The following PCBP3 variants were observed in gnomAD, a reference collection of about 807,000 sequenced individuals.
PCBP3 encodes poly(rC) binding protein 3.
In PCBP3, 25 loss-of-function variants were observed where a neutral mutation model predicts 52.7. The observed-to-expected ratio is 0.47, with a 90% CI of 0.35 to 0.66. PCBP3 has a LOEUF of 0.66. Ranked by LOEUF, PCBP3 falls within the 30% of genes least tolerant of loss-of-function variation. The pLI is 0.01. For synonymous variants in PCBP3, 162 were observed against 183.0 expected (o/e 0.89, Z 0.93); for missense variants, 391 against 490.3 (o/e 0.80, Z 1.91).
intron 2 of PCBP3, among the ~76,000 whole-genome samples, chr21:45,700,905 C>T (rs1283864801): frequency 1.3e-5 from 2 of 152,132 alleles, no homozygotes; most frequent in African/African-American, 4.8e-5. Context: ...CATTTTCTCC[C>T]TCCTAAAGTA....
At chr21:45,687,356 A>C (rs1435402610) in intron 2 of PCBP3, among the ~76,000 whole-genome samples, 1 of 152,236 alleles carries the variant, frequency 6.6e-6, no homozygotes, top group African/African-American at 2.4e-5. Flanking sequence ...GGAGGAATTA[A>C]AATGATATAG....
At chr21:45,694,569 A>C (rs954180188) in intron 2 of PCBP3, among the ~76,000 whole-genome samples, 7 of 152,224 alleles carry the variant, frequency 4.6e-5, no homozygotes, top group African/African-American at 1.7e-4. Context: ...TAAAATACAA[A>C]AAGCAAAAAC....
intron 2 of PCBP3, among the ~76,000 whole-genome samples, chr21:45,676,214 T>C (rs998764120): frequency 6.6e-6 from 1 of 152,218 alleles, no homozygotes; most frequent in African/African-American, 2.4e-5. Context: ...TAACTGAGCC[T>C]GTTACTTCAA....
chr21:45,936,225 A>G (rs1191785970), intron 16 of PCBP3, among the ~76,000 whole-genome samples: 1 of 152,230 alleles, frequency 6.6e-6, no homozygotes, highest in Non-Finnish European at 1.5e-5. Context: ...TGGACAGTGG[A>G]GCAGGAGAAA....
At chr21:45,703,016 A>C (rs1191288580) in intron 2 of PCBP3, among the ~76,000 whole-genome samples, 1 of 151,888 alleles carries the variant, frequency 6.6e-6, no homozygotes, top group African/African-American at 2.4e-5. Context: ...ATAAGAAGCA[A>C]CTCCTTATCC....
chr21:45,808,074 G>A (rs888036030), intron 4 of PCBP3, among the ~76,000 whole-genome samples: 6 of 152,058 alleles, frequency 3.9e-5, no homozygotes, highest in African/African-American at 1.4e-4. Flanking sequence ...TTACATATAA[G>A]ACCTAAAACC....
At chr21:45,644,401 T>G (rs913737104) in intron 1 of PCBP3, among the ~76,000 whole-genome samples, 3 of 151,806 alleles carry the variant, frequency 2.0e-5, no homozygotes, top group Non-Finnish European at 4.4e-5. Flanking sequence ...CGCGCAGGTC[T>G]CTCTTGTTGC....
At chr21:45,715,853 G>A (rs1603307343) in intron 2 of PCBP3, among the ~76,000 whole-genome samples, 1 of 152,040 alleles carries the variant, frequency 6.6e-6, no homozygotes, top group Non-Finnish European at 1.5e-5. Context: ...ATTGTTCTAG[G>A]AATTCTTTTT....
In PCBP3 at chr21:45,895,874, G is replaced by A. The variant is rs2093103280; in HGVS notation, c.11-334G>A. Among the ~76,000 whole-genome samples the A allele has an allele frequency of 2.0e-5, 3 of 152,270 alleles. No homozygotes were observed. The South Asian group carries it at 6.2e-4, about 31-fold the overall frequency. On this transcript the variant is annotated intron_variant, in intron 5 of 17. Transcript: ENST00000681687. ...GGCCTGTGAGCTGCAAGTCCCCTGG[G>A]CCTCACAGGGGTAGCTCCTGCCAGT...
At chr21:45,770,664 C>G (rs2089790905) in intron 4 of PCBP3, among the ~76,000 whole-genome samples, 1 of 152,220 alleles carries the variant, frequency 6.6e-6, no homozygotes, top group South Asian at 2.1e-4. Flanking sequence ...TTATTCGGAC[C>G]CTGAGCTGGA....
chr21:45,678,079 C>T (rs560681266), intron 2 of PCBP3, among the ~76,000 whole-genome samples: 2 of 152,240 alleles, frequency 1.3e-5, no homozygotes, highest in Non-Finnish European at 2.9e-5. Flanking sequence ...TGGTGGCTCA[C>T]GCCTGTAATC....
chr21:45,715,692 A>C (rs943142265), intron 2 of PCBP3, among the ~76,000 whole-genome samples: 4 of 152,332 alleles, frequency 2.6e-5, no homozygotes, highest in Admixed American at 6.5e-5. Flanking sequence ...AATGTGAAGT[A>C]GTATATCAGT....
At chr21:45,814,482 A>G (rs1436161537) in intron 4 of PCBP3, among the ~76,000 whole-genome samples, 31 of 58,926 alleles carry the variant, frequency 5.3e-4, no homozygotes, top group Admixed American at 6.3e-4. Flanking sequence ...TGAGTGAGTG[A>G]TGAGTGGTGA....
In PCBP3 at chr21:45,853,514, C is replaced by A. The variant is rs144985962; in HGVS notation, c.10+3419C>A. On this transcript the variant is annotated intron_variant, in intron 5 of 17. Coordinates refer to ENST00000681687, the MANE Select transcript of PCBP3 (RefSeq NM_001384156.1). The surrounding 1 kb of genome is among the most constrained non-coding windows in gnomAD (Gnocchi z 4.6). Reference sequence around the variant, plus strand: ...GCAGCCCGAGCAAGCAGCTCACGGGCCCCAGCGACAGAATTTTCTGGGGTT... The same window carrying A: ...GCAGCCCGAGCAAGCAGCTCACGGGACCCAGCGACAGAATTTTCTGGGGTT... Among the ~76,000 whole-genome samples, 4 of 152,296 alleles carry A rather than the reference C, an allele frequency of 2.6e-5. No individual in the cohort carries two copies. The East Asian group carries it at 7.7e-4, about 29-fold the overall frequency.
chr21:45,941,768 G>C lies in PCBP3; in HGVS notation c.*62G>C. ...CCAGAGCCTAAGGCCCCCGGCTCTC[G>C]CACTCTGTACAGCCCACCTTCCCTG... On this transcript the variant is annotated 3_prime_UTR_variant, in exon 18 of 18. Coordinates refer to ENST00000681687, the MANE Select transcript of PCBP3 (RefSeq NM_001384156.1). The C allele has an allele frequency of 1.4e-6, 2 of 1,419,486 alleles. No homozygotes were observed. The allele number at this position is 1,419,486 out of a possible 1,614,324, so 87.9% of individuals were successfully genotyped here.
rs1825549559 is a variant in PCBP3 at position 45,704,515 on chromosome 21, G to T, written c.-199-30877G>T. 6.6e-6 allele frequency among the ~76,000 whole-genome samples: 1 copy of T among 152,180 alleles called. No individual in the cohort carries two copies. Among genetic ancestry groups the T allele is most frequent in the South Asian group, 2.1e-4 (1 of 4,832 alleles). On this transcript the variant is annotated intron_variant, in intron 2 of 17. Transcript: ENST00000681687. This position sits in a 1 kb window ranked among gnomAD's most constrained non-coding sequence, Gnocchi z 4.1. ...CTCCCCTGGCAGAGGCGCCCCAGGG[G>T]GCTCCAGGGGAGTGCTGTCTGCTGC...
intron 2 of PCBP3, among the ~76,000 whole-genome samples, chr21:45,699,441 G>T (rs1240293350): frequency 1.3e-5 from 2 of 152,150 alleles, no homozygotes; most frequent in Admixed American, 1.3e-4. Context: ...CTTCCTGTTT[G>T]TTACTAACAG....
intron 4 of PCBP3, chr21:45,831,385 G>A (rs1381448952): frequency 6.8e-6 from 1 of 147,086 alleles, no homozygotes; most frequent in Non-Finnish European, 1.5e-5. Context: ...GTCCAGCCAG[G>A]GCAACAGAGT....
Position 45,828,856 on chromosome 21 carries a change from A to G in PCBP3, c.-125-21105A>G, listed in dbSNP as rs114549434. ...CCTCAGGAGGCAGCCTGCTCTGAGTACCCACGGTCATGCCCAGGCTCCTTT... is the reference window on the plus strand; with the variant it reads ...CCTCAGGAGGCAGCCTGCTCTGAGTGCCCACGGTCATGCCCAGGCTCCTTT... On this transcript the variant is annotated intron_variant, in intron 4 of 17. Coordinates refer to ENST00000681687, the MANE Select transcript of PCBP3 (RefSeq NM_001384156.1). The G allele has an allele frequency of 5.2e-3, 800 of 152,432 alleles. 4 individuals are homozygous for G. Among genetic ancestry groups the G allele is most frequent in the African/African-American group, 0.018 (748 of 41,568 alleles). 9.4% of individuals were successfully genotyped at this position (152,432 alleles called of 1,614,324 possible). A position where few individuals can be genotyped will look rare whatever the true frequency, so the allele number is the denominator to read the frequency against.
Sources: gnomAD v4.1 joint callset for allele counts (sites outside exome capture counted in the v4.1 genomes callset) on GRCh38, gnomAD v4.1.1 for gene constraint, Gnocchi (gnomAD v3.1) non-coding constraint, MANE v1.5 for transcripts, NCBI Gene and HGNC (gene_info 2026-07-23, HGNC 2026-07-21) for gene names.